PDCD6IP: variants seen among roughly 807,000 people sequenced by gnomAD.
PDCD6IP encodes the protein programmed cell death 6-interacting protein.
A neutral mutation model predicts 103.7 loss-of-function variants in PDCD6IP; 43 were observed. The ratio of observed to expected loss-of-function variants is 0.41; its 90% CI spans 0.32 to 0.53. The LOEUF (loss-of-function observed/expected upper bound fraction) is 0.53, where lower values mean the gene tolerates loss of function less well. Ranked by LOEUF, PDCD6IP falls within the 20% of genes least tolerant of loss-of-function variation. The pLI is 0.16. For missense variants in PDCD6IP, 871 were observed against 1,036.7 expected (o/e 0.84, Z 2.20); for synonymous variants, 354 against 378.7 (o/e 0.93, Z 0.76).
intron 11 of PDCD6IP, among the ~76,000 whole-genome samples, chr3:33,845,096 G>C (rs1216295645): frequency 2.6e-5 from 4 of 151,450 alleles, no homozygotes; most frequent in Admixed American, 6.6e-5. Flanking sequence ...AAAATAAATG[G>C]ACCAGTTTTT....
At chr3:33,863,786 T>C (rs1698003848) in intron 15 of PDCD6IP, 1 of 513,684 alleles carries the variant, frequency 1.9e-6, no homozygotes, top group African/African-American at 1.9e-5. Flanking sequence ...AGCAGTGGGA[T>C]TGTTGGATCA....
chr3:33,832,974 A>C (rs1252673565), intron 7 of PDCD6IP, among the ~76,000 whole-genome samples: 1 of 152,072 alleles, frequency 6.6e-6, no homozygotes, highest in African/African-American at 2.4e-5. Context: ...AAAAGTATGA[A>C]TCATTGAACT....
At chr3:33,848,881 C>T (rs1697654718) in intron 12 of PDCD6IP, among the ~76,000 whole-genome samples, 1 of 152,082 alleles carries the variant, frequency 6.6e-6, no homozygotes, top group Non-Finnish European at 1.5e-5. Flanking sequence ...TAAAACTCTA[C>T]TTTCTACTTC....
chr3:33,840,718 A>G (rs1237008758), intron 9 of PDCD6IP, among the ~76,000 whole-genome samples: 2 of 152,226 alleles, frequency 1.3e-5, no homozygotes, highest in Admixed American at 1.3e-4. Context: ...TTATTGTGCT[A>G]CAAAACTGAG....
chr3:33,810,389 T>G (rs1427451046), intron 1 of PDCD6IP, among the ~76,000 whole-genome samples: 1 of 152,334 alleles, frequency 6.6e-6, no homozygotes, highest in South Asian at 2.1e-4. Context: ...CATCATTTTT[T>G]GAGTACTTCC....
chr3:33,799,146 C>G (rs1386220394), intron 1 of PDCD6IP: 1 of 594,400 alleles, frequency 1.7e-6, no homozygotes, highest in Non-Finnish European at 3.0e-6. Context: ...CCTGCCTGCA[C>G]GTCTGCTCTA....
chr3:33,832,882 C>T (rs1384541964), intron 7 of PDCD6IP, among the ~76,000 whole-genome samples: 1 of 152,016 alleles, frequency 6.6e-6, no homozygotes, highest in Non-Finnish European at 1.5e-5. Flanking sequence ...TGTGTTTCTT[C>T]ATATGAATTT....
intron 14 of PDCD6IP, 124 bp from the exon 15 acceptor site, chr3:33,855,042 G>A (rs1697796850): frequency 1.7e-6 from 1 of 577,582 alleles, no homozygotes; most frequent in African/African-American, 1.9e-5. Context: ...TTGTATAAAT[G>A]TATCTCATGC....
At position 33,855,266 on chromosome 3, in the gene PDCD6IP, T is replaced by G; in HGVS notation, c.2120+6T>G. ...GAAAGAGATGAACTCTTAAAGTAAG[T>G]CTGTTTTGTGTACCAAATTGTACTT... On this transcript the variant is annotated splice_donor_region_variant and intron_variant, in intron 15 of 17. Transcript: ENST00000307296. 4 of 1,534,468 alleles carry G rather than the reference T, an allele frequency of 2.6e-6. No homozygotes were observed. Among genetic ancestry groups the G allele is most frequent in the Non-Finnish European group, 3.6e-6 (4 of 1,108,544 alleles).
chr3:33,838,177 T>A, intron 8 of PDCD6IP, 27 bp from the exon 9 acceptor site: 1 of 1,608,064 alleles, frequency 6.2e-7, no homozygotes, highest in Admixed American at 1.7e-5. Flanking sequence ...CTAAAAATTT[T>A]GTTGTAATTT....
intron 1 of PDCD6IP, among the ~76,000 whole-genome samples, chr3:33,801,995 G>C (rs1696485527): frequency 6.6e-6 from 1 of 152,144 alleles, no homozygotes; most frequent in South Asian, 2.1e-4. Flanking sequence ...TTAGGGTTAG[G>C]TTCATTTCTG....
chr3:33,804,713 C>T (rs1017196082), intron 1 of PDCD6IP, among the ~76,000 whole-genome samples: 1 of 152,204 alleles, frequency 6.6e-6, no homozygotes, highest in African/African-American at 2.4e-5. Context: ...GCCCACAAAG[C>T]TATCTTTATG....
chr3:33,831,380 G>A (rs1697241180), intron 7 of PDCD6IP, among the ~76,000 whole-genome samples: 1 of 152,094 alleles, frequency 6.6e-6, no homozygotes, highest in Non-Finnish European at 1.5e-5. Context: ...ATGGTACTAG[G>A]TTGTAGGTAT....
intron 1 of PDCD6IP, among the ~76,000 whole-genome samples, chr3:33,802,097 T>G (rs920173317): frequency 6.6e-6 from 1 of 152,206 alleles, no homozygotes; most frequent in African/African-American, 2.4e-5. Context: ...GGTGTAGTGT[T>G]TCTGTGGAGT....
intron 3 of PDCD6IP, among the ~76,000 whole-genome samples, chr3:33,815,623 A>G (rs180905626): frequency 6.6e-6 from 1 of 152,298 alleles, no homozygotes; most frequent in Admixed American, 6.5e-5. Flanking sequence ...TACAGAAGAG[A>G]GGGATTTCAG....
chr3:33,821,176 A>ATTT (rs201181955), intron 3 of PDCD6IP, among the ~76,000 whole-genome samples: 1 of 144,276 alleles, frequency 6.9e-6, no homozygotes. Context: ...TTTAAAAACA[A>ATTT]TTTTTTTTTT....
At chr3:33,863,797 T>C (rs1698004214) in intron 15 of PDCD6IP, 3 of 536,136 alleles carry the variant, frequency 5.6e-6, no homozygotes, top group Non-Finnish European at 9.9e-6. Flanking sequence ...TGTTGGATCA[T>C]ATTGTAGATC....
Position 33,798,811 on chromosome 3 carries a change from C to T in PDCD6IP, c.83C>T (p.Thr28Ile). ...CCGCTGGTGAAGTTCATCCAGCAGA[C>T]TTACCCAAGCGGCGGGGAAGAGCAG... is the stretch of plus-strand genomic sequence containing the variant. Reference protein sequence around the residue: ...AKPLVKFIQQTYPSGGEEQAQ... With the variant: ...AKPLVKFIQQIYPSGGEEQAQ... The change falls in exon 1 of 18, where the codon ACT (threonine) becomes ATT (isoleucine). Residue 28 changes from threonine to isoleucine, a missense_variant. Transcript: ENST00000307296. 1 of 1,567,524 alleles carries T rather than the reference C, an allele frequency of 6.4e-7. No individual in the cohort carries two copies. Among genetic ancestry groups the T allele is most frequent in the Non-Finnish European group, 8.6e-7 (1 of 1,156,460 alleles).
chr3:33,864,192 C>T (rs559223096), intron 16 of PDCD6IP, 63 bp downstream of exon 16: 22 of 981,430 alleles, frequency 2.2e-5, no homozygotes, highest in Admixed American at 8.4e-5. Flanking sequence ...CTTGTTCTAA[C>T]GGATAAAACA....
Sources: allele counts gnomAD v4.1 joint callset (sites outside exome capture counted in the v4.1 genomes callset), GRCh38; gene constraint gnomAD v4.1.1; transcripts MANE v1.5; gene names NCBI Gene and HGNC (gene_info 2026-07-23, HGNC 2026-07-21).